Variants in GLI3 observed in about 807,000 individuals in gnomAD.
GLI3 encodes transcription activator GLI3.
Under a neutral mutation model 100.8 loss-of-function variants are expected in GLI3, and 20 were observed. The ratio of observed to expected loss-of-function variants is 0.20; its 90% CI spans 0.14 to 0.29. The LOEUF (loss-of-function observed/expected upper bound fraction) is 0.29. GLI3 is among the 10% of genes least tolerant of loss of function. The pLI, the probability that GLI3 is intolerant of heterozygous loss-of-function variation, is 1.00. For missense variants in GLI3, 2,040 were observed against 2,128.5 expected (o/e 0.96, Z 0.82); for synonymous variants, 938 against 860.5 (o/e 1.09, Z -1.58).
chr7:42,114,495 T>C (rs961107409), intron 3 of GLI3, among the ~76,000 whole-genome samples: 7 of 151,568 alleles, frequency 4.6e-5, no homozygotes, highest in Non-Finnish European at 5.9e-5. Context: ...GTGTGAAGGA[T>C]TGAATTGGTT....
chr7:42,230,163 C>A (rs1034635446), intron 1 of GLI3, among the ~76,000 whole-genome samples: 1 of 146,536 alleles, frequency 6.8e-6, no homozygotes, highest in African/African-American at 2.6e-5. Context: ...TAATTTTTAA[C>A]CATTTTTTCA....
intron 2 of GLI3, among the ~76,000 whole-genome samples, chr7:42,212,473 G>A (rs1481097665): frequency 6.6e-6 from 1 of 151,998 alleles, no homozygotes; most frequent in East Asian, 1.9e-4. Context: ...TTATAAAGAA[G>A]ACTCCATTTC....
chr7:42,118,194 C>G, intron 3 of GLI3: 3 of 396,564 alleles, frequency 7.6e-6, no homozygotes, highest in Non-Finnish European at 1.3e-5. Flanking sequence ...GGCTTTTTCA[C>G]CTTTCCATTA....
Position 41,966,726 on chromosome 7 carries a change from T to A in GLI3, c.2432-85A>T. ...ACCAGGCATGAGCAACCCTTTTCTG[T>A]AAAGGGCCAGCTAGGAACTATTTCT... On this transcript the variant is annotated intron_variant, in intron 14 of 14. Transcript: ENST00000395925. The surrounding 1 kb of genome is among the most constrained non-coding windows in gnomAD (Gnocchi z 5.8). 7.4e-7 allele frequency: 1 copy of A among 1,358,182 alleles called. No individual in the cohort carries two copies. Among genetic ancestry groups the A allele is most frequent in the Non-Finnish European group, 1.0e-6 (1 of 956,052 alleles). 84.1% of individuals were successfully genotyped at this position (1,358,182 alleles called of 1,614,324 possible).
chr7:42,175,672 A>T (rs1178240030), intron 2 of GLI3, among the ~76,000 whole-genome samples: 1 of 146,796 alleles, frequency 6.8e-6, no homozygotes, highest in African/African-American at 2.5e-5. Flanking sequence ...TGCGGCTGAA[A>T]GTGAGTTTTA....
At chr7:41,989,146 C>G (rs1162469007) in intron 10 of GLI3, among the ~76,000 whole-genome samples, 2 of 152,022 alleles carry the variant, frequency 1.3e-5, no homozygotes, top group African/African-American at 4.8e-5. Context: ...GGCTTAATTA[C>G]CAAAAAGAAA....
In GLI3 at chr7:41,966,589, C is replaced by T. The variant is rs747011608; in HGVS notation, c.2484G>A (p.Pro828=). ...CCACCCCAGAGAGGTCGCTTCTGCC[C>T]GGGAGAAGCGTCATGGGCCCACCCA... ...CSLGGPMTLL[P]GRSDLSGVDV... The change falls in exon 15 of 15, where the codon CCG becomes CCA. Residue 828 remains proline (P), a synonymous_variant. Coordinates refer to ENST00000395925, the MANE Select transcript of GLI3 (RefSeq NM_000168.6). This position sits in a 1 kb window ranked among gnomAD's most constrained non-coding sequence, Gnocchi z 5.8. The T allele has an allele frequency of 5.6e-6, 9 of 1,613,838 alleles. No homozygotes were observed. The highest frequency in any genetic ancestry group is 1.1e-5 in the South Asian group (1 of 91,072).
intron 3 of GLI3, among the ~76,000 whole-genome samples, chr7:42,091,767 A>G (rs1237206216): frequency 6.6e-6 from 1 of 152,238 alleles, no homozygotes; most frequent in Non-Finnish European, 1.5e-5. Context: ...GGCTCAGTTT[A>G]TTATTTAAAC....
chr7:42,249,266 C>A (rs562957363), intron 1 of GLI3, among the ~76,000 whole-genome samples: 2 of 152,266 alleles, frequency 1.3e-5, no homozygotes, highest in East Asian at 3.9e-4. Context: ...ATAGAGCATA[C>A]ACGAAAGAAT....
chr7:42,019,008 C>G (rs1176824357), intron 10 of GLI3, among the ~76,000 whole-genome samples: 1 of 152,118 alleles, frequency 6.6e-6, no homozygotes, highest in Admixed American at 6.5e-5. Context: ...CTTTTAAAAT[C>G]ATTTGACTTT....
At chr7:42,156,448 T>A (rs1398046900) in intron 2 of GLI3, among the ~76,000 whole-genome samples, 5 of 152,200 alleles carry the variant, frequency 3.3e-5, no homozygotes, top group Admixed American at 1.3e-4. Context: ...CACAGTCTCA[T>A]GAGCATTTAG....
At chr7:42,075,071 A>G (rs539771302) in intron 4 of GLI3, among the ~76,000 whole-genome samples, 1 of 152,312 alleles carries the variant, frequency 6.6e-6, no homozygotes, top group South Asian at 2.1e-4. Flanking sequence ...ATGAGGGCCT[A>G]GAACACACAG....
chr7:42,042,179 AT>A (rs796328220), intron 6 of GLI3, among the ~76,000 whole-genome samples: 2 of 151,390 alleles, frequency 1.3e-5, no homozygotes, highest in African/African-American at 2.4e-5. Flanking sequence ...CGCCCGGATA[AT>A]TTTTTTTTAT....
In GLI3 at chr7:41,965,185, G is replaced by A; in HGVS notation, c.3888C>T (p.Gly1296=). ...CTGACTCATTTGGCGCTACCGGCAG[G>A]CCGAAATTCAGCTGGCCCCCGCTCC... is the stretch of plus-strand genomic sequence containing the variant. ...MQGSGGQLNF[G]LPVAPNESAG... is the part of the protein sequence containing the mutation. The change falls in exon 15 of 15, where the codon GGC becomes GGT. Residue 1296 remains glycine, a synonymous_variant. Transcript: ENST00000395925. 6.2e-7 allele frequency: 1 copy of A among 1,613,870 alleles called. No homozygotes were observed. The highest frequency in any genetic ancestry group is 1.1e-5 in the South Asian group (1 of 91,088).
chr7:42,126,041 A>AT (rs199924887), intron 3 of GLI3, among the ~76,000 whole-genome samples: 2 of 152,190 alleles, frequency 1.3e-5, no homozygotes, highest in African/African-American at 2.4e-5. Flanking sequence ...CTTAAAAGGA[A>AT]TTTTTTTAAA....
At chr7:42,099,823 A>C (rs185520253) in intron 3 of GLI3, among the ~76,000 whole-genome samples, 2 of 152,354 alleles carry the variant, frequency 1.3e-5, no homozygotes. Flanking sequence ...GATCCACTGC[A>C]TCTGGCCATG....
At chr7:41,979,944 T>G (rs73320211) in intron 10 of GLI3, among the ~76,000 whole-genome samples, 7,467 of 152,256 alleles carry the variant, frequency 0.049, 272 homozygotes, top group African/African-American at 0.094. Context: ...CCTCAGAGTG[T>G]GCCTTTCCCA....
rs757627430 is a variant in GLI3 at position 41,964,340 on chromosome 7, A to C, written c.4733T>G (p.Val1578Gly). 4 of 1,613,904 alleles carry C rather than the reference A, an allele frequency of 2.5e-6. No individual in the cohort carries two copies. In the African/African-American group the frequency reaches 4.0e-5, roughly 16 times the overall value. The change falls in exon 15 of 15, where the codon GTT becomes GGT. Residue 1578 changes from valine to glycine, a missense_variant. Coordinates refer to ENST00000395925, the MANE Select transcript of GLI3 (RefSeq NM_000168.6). ...SLAEESKFLA[V>G]MQ ...TTTTTTTCCTAAAGCCTATTGCATA[A>C]CTGCAAGGAATTTGCTTTCTTCCGC...
intron 1 of GLI3, among the ~76,000 whole-genome samples, chr7:42,234,380 G>A (rs535247238): frequency 6.6e-6 from 1 of 152,298 alleles, no homozygotes; most frequent in South Asian, 2.1e-4. Context: ...AATGCTTACA[G>A]CATGCAGGTA....
Sources: gnomAD v4.1 joint callset for allele counts (sites outside exome capture counted in the v4.1 genomes callset) on GRCh38, gnomAD v4.1.1 for gene constraint, Gnocchi (gnomAD v3.1) non-coding constraint, MANE v1.5 for transcripts, NCBI Gene and HGNC (gene_info 2026-07-23, HGNC 2026-07-21) for gene names.